Variants in USP36 observed in about 807,000 individuals in gnomAD.
USP36 encodes ubiquitin carboxyl-terminal hydrolase 36.
A neutral mutation model predicts 111.5 loss-of-function variants in USP36; 59 were observed. The observed-to-expected ratio is 0.53, with a 90% CI of 0.43 to 0.66. The LOEUF (loss-of-function observed/expected upper bound fraction) is 0.66. Among genes scored for constraint, USP36 ranks in the 30% least tolerant of loss-of-function variants. The pLI, the probability that USP36 is intolerant of heterozygous loss-of-function variation, is 0.00. For synonymous variants in USP36, 628 were observed against 581.0 expected, an observed-to-expected ratio of 1.08 and a Z score of -1.16; for missense variants, 1,488 against 1,468.0, an observed-to-expected ratio of 1.01 and a Z score of -0.22.
chr17:78,803,650 T>C lies in USP36; in HGVS notation c.2545A>G (p.Lys849Glu), dbSNP rs1179650299. 1 of 1,609,848 alleles carries C rather than the reference T, an allele frequency of 6.2e-7. No homozygotes were observed. The highest frequency in any genetic ancestry group is 8.5e-7 in the Non-Finnish European group (1 of 1,178,798). Residue 849 changes from lysine to glutamate, a missense_variant, in exon 16 of 21, where the codon AAG (lysine) becomes GAG (glutamate). Physicochemically the swap from Lys to Glu is moderately conservative, Grantham distance 56. Around this residue, in one of 3 missense-constraint regions of USP36, gnomAD observed 1,073 missense variants for 994.1 expected, o/e 1.08. Transcript: ENST00000449938. The surrounding 1 kb of genome is among the most constrained non-coding windows in gnomAD (Gnocchi z 4.6). Reference protein sequence around the residue: ...APHGKRKRKKKKRPEDTAASA... With the variant: ...APHGKRKRKKEKRPEDTAASA... ...GCAGCTGTGTCCTCCGGGCGCTTCTTCTTCTTCCTCTTCCTCTTCCCGTGG... is the reference window on the plus strand; with the variant it reads ...GCAGCTGTGTCCTCCGGGCGCTTCTCCTTCTTCCTCTTCCTCTTCCCGTGG...
rs1181118187 is a variant in USP36 at position 78,814,363 on chromosome 17, G to C, written c.1164+49C>G. 3 of 1,607,206 alleles carry C rather than the reference G, an allele frequency of 1.9e-6. No homozygotes were observed. The Admixed American group carries it at 5.0e-5, about 27-fold the overall frequency. ...AGAGGCCGCATCTGGATGTGCATGG[G>C]TGCTGAAACCTGTCCCAGGAGGCAG... On this transcript the variant is annotated intron_variant, in intron 11 of 20. Coordinates refer to ENST00000449938, the MANE Select transcript of USP36 (RefSeq NM_001385174.1).
intron 15 of USP36, among the ~76,000 whole-genome samples, chr17:78,805,433 G>A (rs954022343): frequency 6.6e-6 from 1 of 152,144 alleles, no homozygotes; most frequent in East Asian, 1.9e-4. Flanking sequence ...GTCATACCTC[G>A]CCCTCATGTA....
chr17:78,806,763 C>A (rs1450782023), intron 14 of USP36, among the ~76,000 whole-genome samples, 196 bp downstream of exon 14: 1 of 152,234 alleles, frequency 6.6e-6, no homozygotes, highest in Non-Finnish European at 1.5e-5. Flanking sequence ...GCTCTCTCAA[C>A]ACCCCATACT....
rs1291174906 is a variant in USP36, at chr17:78,803,403, T to C, written c.2792A>G (p.Gln931Arg). ...CCCTTACCTGTGCCGAAGTGGGTCC[T>C]GGTGCAGGCCGCCTTCTTCACCAAG... ...EGLGEEGGLH[Q>R]DPLRHSCSPM... Residue 931 changes from glutamine (Q) to arginine (R), a missense_variant, in exon 16 of 21, where the codon CAG becomes CGG. Physicochemically the swap from Gln to Arg is conservative, Grantham distance 43. Transcript: ENST00000449938. The surrounding 1 kb of genome is among the most constrained non-coding windows in gnomAD (Gnocchi z 4.6). 6.2e-7 allele frequency: 1 copy of C among 1,613,730 alleles called. No homozygotes were observed. Among genetic ancestry groups the C allele is most frequent in the Non-Finnish European group, 8.5e-7 (1 of 1,179,776 alleles).
At position 78,835,317 on chromosome 17, in the gene USP36, T is replaced by C. The variant is rs765450962; in HGVS notation, c.438A>G (p.Leu146=). 1.4e-5 allele frequency: 22 copies of C among 1,614,194 alleles called. No homozygotes were observed. The highest frequency in any genetic ancestry group is 1.8e-5 in the Non-Finnish European group (21 of 1,180,038). Residue 146 remains leucine, a synonymous_variant, in exon 4 of 21, where the codon CTA becomes CTG. Transcript: ENST00000449938. ...TIQCLTYTPP[L]ANYLLSKEHA... is the part of the protein sequence containing the mutation. ...GCTCCTTGGAGAGCAGGTAGTTGGC[T>C]AGAGGTGGTGTGTAGGTCAAGCACT...
chr17:78,832,094 T>C (rs2068184796), intron 4 of USP36, among the ~76,000 whole-genome samples: 1 of 152,116 alleles, frequency 6.6e-6, no homozygotes, highest in Non-Finnish European at 1.5e-5. Context: ...TAGGAAAATA[T>C]AACTCAAAAG....
intron 18 of USP36, 137 bp from the exon 19 acceptor site, chr17:78,799,160 G>T: frequency 1.2e-6 from 1 of 845,754 alleles, no homozygotes; most frequent in Non-Finnish European, 1.9e-6. Flanking sequence ...GTGAAGAGAA[G>T]GACAAGAGGA....
At chr17:78,802,672 T>C in intron 16 of USP36, 137 bp from the exon 17 acceptor site, 2 of 820,096 alleles carry the variant, frequency 2.4e-6, no homozygotes, top group Admixed American at 2.6e-5. Flanking sequence ...GCAACATTCT[T>C]CCCCCCACAC....
intron 13 of USP36, 74 bp from the exon 14 acceptor site, chr17:78,807,710 CA>C: frequency 7.1e-7 from 1 of 1,416,456 alleles, no homozygotes; most frequent in Non-Finnish European, 9.4e-7. Flanking sequence ...CTTAAGGCCA[CA>C]GTGAATCTTA....
At chr17:78,839,688 G>T (rs960679392) in intron 1 of USP36, among the ~76,000 whole-genome samples, 1 of 152,156 alleles carries the variant, frequency 6.6e-6, no homozygotes, top group African/African-American at 2.4e-5. Context: ...AGTGGGACAG[G>T]TCAATCTCTA....
At position 78,803,748 on chromosome 17, in the gene USP36, A is replaced by T; in HGVS notation, c.2447T>A (p.Phe816Tyr). ...QSPSEKRKKT[F>Y]VGEPQRLGSE... ...GCCCAGCCTCTGCGGCTCTCCCACA[A>T]AGGTCTTTTTCCTCTTCTCAGAGGG... The change falls in exon 16 of 21, where the codon TTT (phenylalanine) becomes TAT (tyrosine). Residue 816 changes from phenylalanine (F) to tyrosine (Y), a missense_variant. Physicochemically the swap from Phe to Tyr is conservative, Grantham distance 22 (BLOSUM62 3). This residue lies in a region of USP36 where 1,073 missense variants were observed against 994.1 expected (regional missense o/e 1.08). Coordinates refer to ENST00000449938, the MANE Select transcript of USP36 (RefSeq NM_001385174.1). This position sits in a 1 kb window ranked among gnomAD's most constrained non-coding sequence, Gnocchi z 4.6. 1 of 1,612,532 alleles carries T rather than the reference A, an allele frequency of 6.2e-7. No homozygotes were observed. The highest frequency in any genetic ancestry group is 8.5e-7 in the Non-Finnish European group (1 of 1,179,926).
chr17:78,810,952 A>G (rs2094035371), intron 13 of USP36, among the ~76,000 whole-genome samples: 1 of 151,980 alleles, frequency 6.6e-6, no homozygotes, highest in South Asian at 2.1e-4. Flanking sequence ...CATCTCTACT[A>G]AAACTACAAA....
chr17:78,835,205 G>A (rs2068547722), intron 4 of USP36, 75 bp downstream of exon 4: 1 of 1,456,968 alleles, frequency 6.9e-7, no homozygotes, highest in Non-Finnish European at 9.5e-7. Flanking sequence ...ACTGAGAGCA[G>A]CAGTGCCACA....
chr17:78,812,044 C>T (rs2094072297), intron 13 of USP36, among the ~76,000 whole-genome samples: 1 of 151,986 alleles, frequency 6.6e-6, no homozygotes, highest in African/African-American at 2.4e-5. Flanking sequence ...TAAAAATTAG[C>T]TGGGTGTGGT....
At chr17:78,818,609 T>C in intron 10 of USP36, 58 bp downstream of exon 10, 1 of 1,489,592 alleles carries the variant, frequency 6.7e-7, no homozygotes, top group Non-Finnish European at 9.4e-7. Flanking sequence ...TTCTTCGTGT[T>C]ATTCTGATGC....
chr17:78,793,887 G>C (rs886902051), downstream of USP36, among the ~76,000 whole-genome samples: 1 of 152,050 alleles, frequency 6.6e-6, no homozygotes, highest in Non-Finnish European at 1.5e-5. Flanking sequence ...CCCATGCCTA[G>C]GATTCTCCCT....
downstream of USP36, among the ~76,000 whole-genome samples, chr17:78,793,155 G>A (rs1166283739): frequency 6.6e-6 from 1 of 152,134 alleles, no homozygotes. Context: ...GAGGTAAGAA[G>A]GAGAAGAGAA....
Position 78,820,031 on chromosome 17 carries a change from G to A in USP36, c.829-19C>T, listed in dbSNP as rs746907605. The A allele has an allele frequency of 6.2e-7, 1 of 1,613,432 alleles. No homozygotes were observed. Among genetic ancestry groups the A allele is most frequent in the Middle Eastern group, 1.7e-4 (1 of 6,056 alleles). ...CAGCTTGCTGAGGAGGACAAAAACA[G>A]GGAGTAAAATACACAGCAGAGGAAA... On this transcript the variant is annotated intron_variant, in intron 8 of 20. Coordinates refer to ENST00000449938, the MANE Select transcript of USP36 (RefSeq NM_001385174.1).
intron 6 of USP36, chr17:78,823,101 G>C (rs754486039): frequency 1.5e-5 from 6 of 398,714 alleles, no homozygotes; most frequent in Admixed American, 1.3e-4. Flanking sequence ...TCTGGCCTGT[G>C]TGACTATTTA....
Sources: gnomAD v4.1 joint callset for allele counts (sites outside exome capture counted in the v4.1 genomes callset) on GRCh38, gnomAD v4.1.1 for gene constraint, gnomAD v4.1.1 regional missense constraint, Gnocchi (gnomAD v3.1) non-coding constraint, MANE v1.5 for transcripts, NCBI Gene and HGNC (gene_info 2026-07-23, HGNC 2026-07-21) for gene names.